Variants in GRIA3 observed in about 807,000 individuals in gnomAD.
The protein encoded by GRIA3 is glutamate ionotropic receptor AMPA type subunit 3, also known as glutamate receptor 3.
Under a neutral mutation model 63.0 loss-of-function variants are expected in GRIA3, and 3 were observed. The ratio of observed to expected loss-of-function variants is 0.05; its 90% CI spans 0.02 to 0.12. GRIA3 has a LOEUF of 0.12. GRIA3 is among the 10% of genes least tolerant of loss of function. The pLI, the probability that GRIA3 is intolerant of heterozygous loss-of-function variation, is 1.00. For missense variants in GRIA3, 347 were observed against 700.9 expected (o/e 0.50, Z 5.70); for synonymous variants, 274 against 257.9 (o/e 1.06, Z -0.60).
intron 11 of GRIA3, among the ~76,000 whole-genome samples, chrX:123,424,936 T>G (rs1323410867): frequency 1.8e-5 from 2 of 111,749 alleles, no homozygotes; most frequent in African/African-American, 6.5e-5. Flanking sequence ...TAAACTACCA[T>G]TAGTATTCAC....
intron 11 of GRIA3, among the ~76,000 whole-genome samples, chrX:123,426,527 G>A (rs902332312): frequency 1.8e-5 from 2 of 111,864 alleles, no homozygotes; most frequent in African/African-American, 3.2e-5. Flanking sequence ...TTGTGTTGAC[G>A]TGTTTTGACT....
chrX:123,359,504 C>T (rs1452362997), intron 5 of GRIA3, among the ~76,000 whole-genome samples: 2 of 111,018 alleles, frequency 1.8e-5, no homozygotes, highest in African/African-American at 6.6e-5. Flanking sequence ...AACCAGAGCC[C>T]CGTTATCCTT....
chrX:123,453,847 G>T (rs188749138), intron 12 of GRIA3, among the ~76,000 whole-genome samples: 2 of 111,788 alleles, frequency 1.8e-5, no homozygotes, highest in Admixed American at 1.9e-4. Context: ...TGAAAGAGAG[G>T]TGGTACTACC....
chrX:123,288,189 G>T (rs1405534639), intron 3 of GRIA3, among the ~76,000 whole-genome samples: 1 of 112,320 alleles, frequency 8.9e-6, no homozygotes, highest in Non-Finnish European at 1.9e-5. Flanking sequence ...TTAATAAATG[G>T]TGTTGGGAAA....
intron 2 of GRIA3, among the ~76,000 whole-genome samples, chrX:123,213,582 A>T (rs1928091445): frequency 8.9e-6 from 1 of 112,307 alleles, no homozygotes; most frequent in Non-Finnish European, 1.9e-5. Context: ...AAGGCAGGAA[A>T]TAAATTTAGT....
intron 3 of GRIA3, among the ~76,000 whole-genome samples, chrX:123,306,524 T>G (rs1371511603): frequency 8.9e-6 from 1 of 111,888 alleles, no homozygotes; most frequent in Non-Finnish European, 1.9e-5. Flanking sequence ...AGAGGGGTGT[T>G]GCACCTGGGA....
chrX:123,294,965 G>A (rs914054990), intron 3 of GRIA3, among the ~76,000 whole-genome samples: 3 of 111,329 alleles, frequency 2.7e-5, no homozygotes, highest in African/African-American at 6.5e-5. Flanking sequence ...ATCTGCTAGC[G>A]ATAACTATTG....
At chrX:123,225,218 G>C (rs2044240036) in intron 2 of GRIA3, among the ~76,000 whole-genome samples, 1 of 111,847 alleles carries the variant, frequency 8.9e-6, no homozygotes, top group East Asian at 2.8e-4. Context: ...AATAACAATA[G>C]TGTTGCAAGT....
chrX:123,269,148 T>A (rs1200658558), intron 3 of GRIA3, among the ~76,000 whole-genome samples: 1 of 111,961 alleles, frequency 8.9e-6, no homozygotes, highest in Non-Finnish European at 1.9e-5. Context: ...GATTAGCAAG[T>A]CAACAAGTCA....
In GRIA3 at chrX:123,219,856, G is replaced by A. The variant is rs1394652496; in HGVS notation, c.269-33447G>A. On this transcript the variant is annotated intron_variant, in intron 2 of 15. Transcript: ENST00000620443. ...GGCACTAGGTGTGGCCATGAATGTG[G>A]ACCATAATTACTTTGCTTAAAACTG... 1.9e-4 allele frequency among the ~76,000 whole-genome samples: 21 copies of A among 112,568 alleles called. No individual in the cohort carries two copies. The Admixed American group carries it at 2.0e-3, about 11-fold the overall frequency.
At chrX:123,392,563 G>A (rs969731479) in intron 5 of GRIA3, among the ~76,000 whole-genome samples, 1 of 111,576 alleles carries the variant, frequency 9.0e-6, no homozygotes, top group Non-Finnish European at 1.9e-5. Context: ...GGCTAGGATT[G>A]CAGGAGTCCA....
chrX:123,422,952 T>C (rs190336850), intron 11 of GRIA3, among the ~76,000 whole-genome samples: 1 of 112,477 alleles, frequency 8.9e-6, no homozygotes, highest in African/African-American at 3.2e-5. Flanking sequence ...TATTCTACTA[T>C]GTCTTACTGA....
chrX:123,197,560 C>T (rs753240197), intron 2 of GRIA3, among the ~76,000 whole-genome samples: 3 of 112,101 alleles, frequency 2.7e-5, no homozygotes, highest in Non-Finnish European at 5.6e-5. Flanking sequence ...ACAACAAAGA[C>T]ATTCTGTCAT....
intron 3 of GRIA3, among the ~76,000 whole-genome samples, chrX:123,279,685 G>T (rs890883326): frequency 1.1e-4 from 12 of 110,830 alleles, no homozygotes; most frequent in African/African-American, 3.3e-4. Flanking sequence ...AAGTAGGCGG[G>T]GAATATTCTA....
chrX:123,345,475 C>T (rs868170736), intron 4 of GRIA3, among the ~76,000 whole-genome samples: 6 of 108,357 alleles, frequency 5.5e-5, no homozygotes, highest in African/African-American at 1.7e-4. Flanking sequence ...CACACACACA[C>T]ACACACACAC....
At chrX:123,255,402 A>G (rs1341496023) in intron 3 of GRIA3, among the ~76,000 whole-genome samples, 1 of 111,058 alleles carries the variant, frequency 9.0e-6, no homozygotes, top group Admixed American at 9.6e-5. Context: ...AATAAATTTC[A>G]TTTTGTCCAA....
At chrX:123,188,917 A>C (rs1231571881) in intron 2 of GRIA3, among the ~76,000 whole-genome samples, 1 of 111,857 alleles carries the variant, frequency 8.9e-6, no homozygotes, top group Non-Finnish European at 1.9e-5. Flanking sequence ...ACAACCTCTG[A>C]CAATGTGTTT....
intron 12 of GRIA3, among the ~76,000 whole-genome samples, chrX:123,444,748 A>T (rs1334646800): frequency 9.0e-6 from 1 of 111,313 alleles, no homozygotes; most frequent in African/African-American, 3.3e-5. Flanking sequence ...CTGAAGTGCT[A>T]GCTCTTAGGC....
chrX:123,473,795 T>C (rs913973270), intron 13 of GRIA3, among the ~76,000 whole-genome samples: 1 of 111,889 alleles, frequency 8.9e-6, no homozygotes, highest in African/African-American at 3.2e-5. Flanking sequence ...ATCCAGATAA[T>C]GTGTTATCAG....
Sources: gnomAD v4.1 joint callset for allele counts (sites outside exome capture counted in the v4.1 genomes callset) on GRCh38, gnomAD v4.1.1 for gene constraint, MANE v1.5 for transcripts, NCBI Gene and HGNC (gene_info 2026-07-23, HGNC 2026-07-21) for gene names.